HPGDS: variants seen among roughly 807,000 people sequenced by gnomAD.
The protein encoded by HPGDS is GST class-sigma.
In HPGDS, 26 loss-of-function variants were observed where a neutral mutation model predicts 23.1. The ratio of observed to expected loss-of-function variants is 1.13; its 90% CI spans 0.83 to 1.56. The LOEUF is 1.56. HPGDS is among the 40% of genes most tolerant of loss of function. HPGDS has a pLI of 0.00. For missense variants in HPGDS, 268 were observed against 236.4 expected (o/e 1.13, Z -0.88); for synonymous variants, 95 against 77.9 (o/e 1.22, Z -1.16).
chr4:94,302,060 G>A, intron 5 of HPGDS, 86 bp downstream of exon 5: 1 of 805,252 alleles, frequency 1.2e-6, no homozygotes, highest in South Asian at 2.0e-5. Flanking sequence ...CCTCCCTATA[G>A]GTAACTTTTT....
intron 3 of HPGDS, among the ~76,000 whole-genome samples, chr4:94,314,553 G>A (rs527332693): frequency 2.6e-5 from 4 of 152,150 alleles, no homozygotes; most frequent in Non-Finnish European, 5.9e-5. Context: ...GCCCCTACTC[G>A]GGGGTGCCTC....
At position 94,337,725 on chromosome 4, in the gene HPGDS, T is replaced by G. The variant is rs924671844; in HGVS notation, c.-9-3087A>C. Among the ~76,000 whole-genome samples the G allele has an allele frequency of 3.3e-5, 5 of 152,148 alleles. No homozygotes were observed. The South Asian group carries it at 1.0e-3, about 32-fold the overall frequency. On this transcript the variant is annotated intron_variant, in intron 1 of 5. Transcript: ENST00000295256. ...ATTAAAAGTTAAACATACAACCTTT[T>G]CTCATTCAGTCAATTACCACATAGA...
chr4:94,321,237 G>A (rs1756502721), intron 2 of HPGDS, among the ~76,000 whole-genome samples: 1 of 152,168 alleles, frequency 6.6e-6, no homozygotes, highest in Non-Finnish European at 1.5e-5. Context: ...GATTGACTTG[G>A]CAATGCAGGC....
At chr4:94,329,764 C>T (rs1756703315) in intron 2 of HPGDS, among the ~76,000 whole-genome samples, 2 of 152,172 alleles carry the variant, frequency 1.3e-5, no homozygotes, top group Admixed American at 1.3e-4. Context: ...CTGCATCTAA[C>T]AAGAAGACAT....
Position 94,299,312 on chromosome 4 carries a change from A to G in HPGDS, c.*168T>C. ...ATTCTGAAAGAAAAAGATACTGAAG[A>G]AAGATTTGTTTTTATTTTCCTTTTT... On this transcript the variant is annotated 3_prime_UTR_variant, in exon 6 of 6. Coordinates refer to ENST00000295256, the MANE Select transcript of HPGDS (RefSeq NM_014485.3). 5.2e-6 allele frequency: 3 copies of G among 577,746 alleles called. No homozygotes were observed. In the East Asian group the frequency reaches 8.6e-5, roughly 17 times the overall value. The allele number at this position is 577,746 out of a possible 1,614,324, so 35.8% of individuals were successfully genotyped here. A position where few individuals can be genotyped will look rare whatever the true frequency, so the allele number is the denominator to read the frequency against.
intron 3 of HPGDS, among the ~76,000 whole-genome samples, chr4:94,314,672 A>T (rs1390021473): frequency 1.3e-5 from 2 of 152,174 alleles, no homozygotes; most frequent in Non-Finnish European, 2.9e-5. Context: ...AAGCTGTCAG[A>T]TAGGGACATT....
At chr4:94,334,757 G>T in intron 1 of HPGDS, 119 bp from the exon 2 acceptor site, 2 of 856,622 alleles carry the variant, frequency 2.3e-6, no homozygotes, top group African/African-American at 1.7e-5. Flanking sequence ...AGACATTAGA[G>T]GATATTTCAA....
At chr4:94,340,647 T>TC (rs1721145258) in intron 1 of HPGDS, among the ~76,000 whole-genome samples, 1 of 31,666 alleles carries the variant, frequency 3.2e-5, no homozygotes. Flanking sequence ...CCCGCCCCCC[T>TC]CCCTTTTTTT....
At chr4:94,317,427 A>G (rs1756419682) in intron 3 of HPGDS, among the ~76,000 whole-genome samples, 1 of 152,160 alleles carries the variant, frequency 6.6e-6, no homozygotes, top group African/African-American at 2.4e-5. Context: ...AGTGGAAGCA[A>G]AGAAACTCCC....
rs117028690 is a variant in HPGDS at position 94,300,794 on chromosome 4, G to A, written c.436-1150C>T. Among the ~76,000 whole-genome samples, 118 of 152,172 alleles carry A rather than the reference G, an allele frequency of 7.8e-4. 2 individuals carry two copies. In the East Asian group the frequency reaches 0.021, roughly 27 times the overall value. On this transcript the variant is annotated intron_variant, in intron 5 of 5. Transcript: ENST00000295256. ...GAGAGGACTTTTTAAGAGGTGACAC[G>A]TAAGCCCAGGCTTAAATATAAAAAA... is the stretch of plus-strand genomic sequence containing the variant.
rs1756193097 is a variant in HPGDS, at chr4:94,308,754, G to C, written c.227-11C>G. On this transcript the variant is annotated splice_polypyrimidine_tract_variant and intron_variant, in intron 3 of 5. Coordinates refer to ENST00000295256, the MANE Select transcript of HPGDS (RefSeq NM_014485.3). ...TGTTTCCAGCCAAATCTGTGGAATAGAGAGAGGCCCATCAATATGTTTAAT... is the reference window on the plus strand; with the variant it reads ...TGTTTCCAGCCAAATCTGTGGAATACAGAGAGGCCCATCAATATGTTTAAT... The C allele has an allele frequency of 1.4e-6, 2 of 1,389,106 alleles. No homozygotes were observed. Among genetic ancestry groups the C allele is most frequent in the African/African-American group, 1.4e-5 (1 of 70,312 alleles). The allele number at this position is 1,389,106 out of a possible 1,614,324, so 86.0% of individuals were successfully genotyped here.
intron 5 of HPGDS, among the ~76,000 whole-genome samples, chr4:94,300,252 C>T (rs1756014924): frequency 6.6e-6 from 1 of 152,144 alleles, no homozygotes; most frequent in Non-Finnish European, 1.5e-5. Flanking sequence ...ATATTTGTGG[C>T]TAAAATACAT....
chr4:94,341,880 AT>A (rs1032571830), intron 1 of HPGDS, among the ~76,000 whole-genome samples: 3 of 152,190 alleles, frequency 2.0e-5, no homozygotes, highest in African/African-American at 7.2e-5. Flanking sequence ...GTGAGATACT[AT>A]TGTTCACAGG....
chr4:94,301,983 C>A (rs1756048815), intron 5 of HPGDS, among the ~76,000 whole-genome samples, 163 bp downstream of exon 5: 1 of 152,046 alleles, frequency 6.6e-6, no homozygotes. Context: ...GTTCCAAAGT[C>A]AAATCTATTT....
intron 2 of HPGDS, among the ~76,000 whole-genome samples, chr4:94,322,295 C>T (rs143576779): frequency 0.025 from 3,783 of 152,102 alleles, 106 homozygotes; most frequent in African/African-American, 0.075. Context: ...TTAGGGAGGA[C>T]TCCCTCTTTT....
At chr4:94,310,968 AT>A (rs532810999) in intron 3 of HPGDS, among the ~76,000 whole-genome samples, 3,734 of 152,132 alleles carry the variant, frequency 0.025, 103 homozygotes, top group African/African-American at 0.074. Context: ...AATACTTGTG[AT>A]TTTTGCACAT....
At chr4:94,319,116 G>T (rs761944048) in intron 2 of HPGDS, among the ~76,000 whole-genome samples, 2 of 152,160 alleles carry the variant, frequency 1.3e-5, no homozygotes, top group Non-Finnish European at 2.9e-5. Context: ...TATCTGTCCA[G>T]TGCTGACAGG....
chr4:94,304,619 G>A (rs1035637377), intron 4 of HPGDS, among the ~76,000 whole-genome samples: 1 of 152,040 alleles, frequency 6.6e-6, no homozygotes, highest in Non-Finnish European at 1.5e-5. Context: ...ATACAGAACA[G>A]TGCATTTTTC....
chr4:94,317,730 T>C, intron 3 of HPGDS, 143 bp downstream of exon 3: 2 of 514,400 alleles, frequency 3.9e-6, no homozygotes, highest in Non-Finnish European at 6.7e-6. Context: ...CTGATACAGG[T>C]GGTATATTTA....
Sources: allele counts gnomAD v4.1 joint callset (sites outside exome capture counted in the v4.1 genomes callset), GRCh38; gene constraint gnomAD v4.1.1; transcripts MANE v1.5; gene names NCBI Gene and HGNC (gene_info 2026-07-23, HGNC 2026-07-21).